The following MSR1 variants were observed in gnomAD, a reference collection of about 807,000 sequenced individuals.
MSR1 encodes the protein macrophage scavenger receptor 1.
A neutral mutation model predicts 47.2 loss-of-function variants in MSR1; 53 were observed. The observed-to-expected ratio is 1.12, with a 90% CI of 0.90 to 1.41. The LOEUF (loss-of-function observed/expected upper bound fraction) is 1.41, where lower values mean the gene tolerates loss of function less well. Among genes scored for constraint, MSR1 ranks in the 40% most tolerant of loss-of-function variants. The pLI, the probability that MSR1 is intolerant of heterozygous loss-of-function variation, is 0.00. For missense variants in MSR1, 786 were observed against 546.9 expected (o/e 1.44, Z -4.36); for synonymous variants, 239 against 185.6 (o/e 1.29, Z -2.34).
In MSR1 at chr8:16,143,582, C is replaced by T; in HGVS notation, c.1009G>A (p.Glu337Lys). Residue 337 changes from glutamate (E) to lysine (K), a missense_variant, in exon 8 of 10, where the codon GAA (glutamate) becomes AAA (lysine). Physicochemically the swap from Glu to Lys is moderately conservative, Grantham distance 56. Coordinates refer to ENST00000262101, the MANE Select transcript of MSR1 (RefSeq NM_138715.3). Reference sequence around the variant, plus strand: ...CTTAATGTGTTTCCACTCCCCTTTTCCCCTTTCTGGCCTTTTGGTCCAGAA... The same window carrying T: ...CTTAATGTGTTTCCACTCCCCTTTTTCCCTTTCTGGCCTTTTGGTCCAGAA... ...GNSGPKGQKG[E>K]KGSGNTLTPF... The T allele has an allele frequency of 6.2e-7, 1 of 1,612,536 alleles. No homozygotes were observed. Among genetic ancestry groups the T allele is most frequent in the East Asian group, 2.2e-5 (1 of 44,780 alleles).
At chr8:16,189,389 TTATTTTATATA>T (rs1293904803) in intron 1 of MSR1, among the ~76,000 whole-genome samples, 1,389 of 89,060 alleles carry the variant, frequency 0.016, 43 homozygotes, top group East Asian at 0.13. Flanking sequence ...ATATAAAATC[TTATTTTATATA>T]TATTTTATAT....
chr8:16,154,695 T>C (rs35490640), intron 6 of MSR1, among the ~76,000 whole-genome samples: 78 of 152,046 alleles, frequency 5.1e-4, no homozygotes, highest in African/African-American at 1.8e-3. Context: ...GCAAAGATAA[T>C]TGTTGTACTC....
chr8:16,114,254 T>C (rs1799827035), intron 9 of MSR1, among the ~76,000 whole-genome samples: 1 of 151,662 alleles, frequency 6.6e-6, no homozygotes, highest in African/African-American at 2.4e-5. Flanking sequence ...AAATTTCACA[T>C]AGAAAATTGA....
intron 8 of MSR1, among the ~76,000 whole-genome samples, chr8:16,122,173 A>G (rs916389787): frequency 2.6e-5 from 4 of 152,126 alleles, no homozygotes; most frequent in African/African-American, 7.2e-5. Flanking sequence ...CTTAATAAGC[A>G]TAAGTTAAAA....
chr8:16,188,166 T>A (rs2116942417), intron 1 of MSR1, among the ~76,000 whole-genome samples: 1 of 152,272 alleles, frequency 6.6e-6, no homozygotes, highest in Non-Finnish European at 1.5e-5. Flanking sequence ...TTCTGTAATA[T>A]CAGCATTTTA....
intron 6 of MSR1, among the ~76,000 whole-genome samples, chr8:16,154,158 C>G (rs1800937235): frequency 6.6e-6 from 1 of 151,730 alleles, no homozygotes; most frequent in South Asian, 2.1e-4. Context: ...CAGGGCTAGT[C>G]AATACACTGA....
chr8:16,179,018 G>A (rs1051157415), intron 1 of MSR1, among the ~76,000 whole-genome samples: 3 of 151,964 alleles, frequency 2.0e-5, no homozygotes, highest in African/African-American at 4.8e-5. Context: ...TAACTTTCAC[G>A]TAAAAAGACA....
chr8:16,124,251 T>C (rs973213125), intron 8 of MSR1, among the ~76,000 whole-genome samples: 1 of 152,152 alleles, frequency 6.6e-6, no homozygotes, highest in Non-Finnish European at 1.5e-5. Context: ...TGAAAGAGTT[T>C]TGAGCAGACA....
chr8:16,177,921 A>G lies in MSR1; in HGVS notation c.68T>C (p.Phe23Ser), dbSNP rs35175081. The change falls in exon 2 of 10, where the codon TTT (phenylalanine) becomes TCT (serine). Residue 23 changes from phenylalanine (F) to serine (S), a missense_variant. Physicochemically the swap from Phe to Ser is radical, Grantham distance 155. Transcript: ENST00000262101. ...CAAAGCTGTCATTGAGCGAGCATCA[A>G]ATTTCACAGATTCGGAGCAGCTATC... ...DTDSCSESVK[F>S]DARSMTALLP... is the part of the protein sequence containing the mutation. 1.5e-5 allele frequency: 25 copies of G among 1,613,838 alleles called. No individual in the cohort carries two copies. In the East Asian group the frequency reaches 1.6e-4, roughly 10 times the overall value.
chr8:16,149,122 T>A (rs1039990217), intron 7 of MSR1, among the ~76,000 whole-genome samples: 5 of 152,132 alleles, frequency 3.3e-5, no homozygotes, highest in Admixed American at 6.6e-5. Flanking sequence ...ACATTATACA[T>A]CTGCTGAAAC....
intron 5 of MSR1, among the ~76,000 whole-genome samples, chr8:16,159,693 G>A (rs182015791): frequency 6.6e-6 from 1 of 152,044 alleles, no homozygotes; most frequent in East Asian, 1.9e-4. Flanking sequence ...TGTCCAGGAA[G>A]AGTGAACACT....
At chr8:16,154,102 G>A (rs1800935144) in intron 6 of MSR1, among the ~76,000 whole-genome samples, 1 of 151,732 alleles carries the variant, frequency 6.6e-6, no homozygotes, top group Non-Finnish European at 1.5e-5. Context: ...GCTTAGGCAG[G>A]TATCAAGTTC....
At chr8:16,127,243 C>T (rs566724414) in intron 8 of MSR1, among the ~76,000 whole-genome samples, 3 of 152,222 alleles carry the variant, frequency 2.0e-5, no homozygotes, top group African/African-American at 7.2e-5. Context: ...AAAAGCCTCA[C>T]GAGTCATTCT....
rs148254227 is a variant in MSR1, at chr8:16,185,342, T to A, written c.-5+7256A>T. Among the ~76,000 whole-genome samples, 31 of 152,318 alleles carry A rather than the reference T, an allele frequency of 2.0e-4. No individual in the cohort carries two copies. The East Asian group carries it at 5.6e-3, about 27-fold the overall frequency. ...GCCAAACCAGATCTCAATCTCAGCA[T>A]CAGCTTTTGTTTTACATAACACAAC... On this transcript the variant is annotated intron_variant, in intron 1 of 9. Coordinates refer to ENST00000262101, the MANE Select transcript of MSR1 (RefSeq NM_138715.3).
intron 4 of MSR1, among the ~76,000 whole-genome samples, chr8:16,165,403 C>T (rs151155253): frequency 4.6e-5 from 7 of 152,110 alleles, no homozygotes; most frequent in Admixed American, 2.0e-4. Context: ...AAATTTCTGA[C>T]GATTAATGTT....
At chr8:16,149,489 A>G (rs1451971696) in intron 7 of MSR1, among the ~76,000 whole-genome samples, 2 of 151,972 alleles carry the variant, frequency 1.3e-5, no homozygotes, top group Non-Finnish European at 2.9e-5. Context: ...CAGCGTCTCA[A>G]ATAGCTGGGA....
In MSR1 at chr8:16,108,629, T is replaced by G. The variant is rs1170218037; in HGVS notation, c.*1456A>C. The G allele has an allele frequency of 6.6e-6, 1 of 152,166 alleles. No individual in the cohort carries two copies. Among genetic ancestry groups the G allele is most frequent in the African/African-American group, 2.4e-5 (1 of 41,460 alleles). The allele number at this position is 152,166 out of a possible 1,614,324, so 9.4% of individuals were successfully genotyped here. A position where few individuals can be genotyped will look rare whatever the true frequency, so the allele number is the denominator to read the frequency against. On this transcript the variant is annotated 3_prime_UTR_variant, in exon 10 of 10. Transcript: ENST00000262101. ...ACAGAAAGTGTACATTCAGAATTCA[T>G]TCTCTTAACCACAAAATTATGCTGC...
chr8:16,122,696 G>C (rs1585137826), intron 8 of MSR1, among the ~76,000 whole-genome samples: 1 of 152,032 alleles, frequency 6.6e-6, no homozygotes, highest in African/African-American at 2.4e-5. Flanking sequence ...ATTTAGAAGA[G>C]GAGACATATT....
At chr8:16,122,289 C>T (rs12676334) in intron 8 of MSR1, among the ~76,000 whole-genome samples, 3,250 of 151,930 alleles carry the variant, frequency 0.021, 73 homozygotes, top group Middle Eastern at 0.082. Context: ...CTAAAGAAAA[C>T]GAGAAAGAAA....
Sources: gnomAD v4.1 joint callset for allele counts (sites outside exome capture counted in the v4.1 genomes callset) on GRCh38, gnomAD v4.1.1 for gene constraint, MANE v1.5 for transcripts, NCBI Gene and HGNC (gene_info 2026-07-23, HGNC 2026-07-21) for gene names.